Variants in HIF1A observed in about 807,000 individuals in gnomAD.
HIF1A encodes the protein hypoxia inducible factor 1 subunit alpha.
A neutral mutation model predicts 92.7 loss-of-function variants in HIF1A; 24 were observed. That is an observed-to-expected ratio of 0.26 (90% confidence interval 0.19 to 0.36). The LOEUF (loss-of-function observed/expected upper bound fraction) is 0.36, where lower values mean the gene tolerates loss of function less well. Ranked by LOEUF, HIF1A falls within the 10% of genes least tolerant of loss-of-function variation. The probability of loss-of-function intolerance (pLI) is 1.00; values close to 1 mark genes in which losing one functional copy is unlikely to be tolerated. For missense variants in HIF1A, 799 were observed against 998.5 expected (o/e 0.80, Z 2.69); for synonymous variants, 319 against 338.7 (o/e 0.94, Z 0.64).
At chr14:61,696,214 G>A (rs1039511934) in intron 1 of HIF1A, among the ~76,000 whole-genome samples, 2 of 152,246 alleles carry the variant, frequency 1.3e-5, no homozygotes, top group Non-Finnish European at 2.9e-5. Flanking sequence ...GAAGAGAAAT[G>A]AGCTGCAGCT....
intron 6 of HIF1A, among the ~76,000 whole-genome samples, chr14:61,730,452 CCCTA>C (rs1473858842): frequency 7.9e-5 from 12 of 152,224 alleles, no homozygotes; most frequent in Non-Finnish European, 1.6e-4. Context: ...AATCTGATCC[CCCTA>C]CCTACTTCTT....
In HIF1A at chr14:61,744,777, G is replaced by A. The variant is rs1213384596; in HGVS notation, c.2166G>A (p.Met722Ile). The A allele has an allele frequency of 2.5e-6, 4 of 1,593,538 alleles. No homozygotes were observed. Among genetic ancestry groups the A allele is most frequent in the African/African-American group, 1.3e-5 (1 of 74,178 alleles). ...ALQNAQRKRK[M>I]EHDGSLFQAV... ...AGAATGCTCAGAGAAAGCGAAAAAT[G>A]GAACATGATGGTTCACTTTTTCAAG... The change falls in exon 13 of 15, where the codon ATG (methionine) becomes ATA (isoleucine). Residue 722 changes from methionine (M) to isoleucine (I), a missense_variant. Met to Ile is a conservative substitution (Grantham distance 10, BLOSUM62 1). Transcript: ENST00000337138.
intron 1 of HIF1A, among the ~76,000 whole-genome samples, chr14:61,707,463 C>CA (rs2044252927): frequency 6.6e-6 from 1 of 152,140 alleles, no homozygotes; most frequent in Non-Finnish European, 1.5e-5. Flanking sequence ...CCGCTCCCCC[C>CA]ACCCCACAAC....
Position 61,745,867 on chromosome 14 carries a change from A to G in HIF1A, c.2329+50A>G, listed in dbSNP as rs758303276. ...AACATCACAAAGACAAAATACATGA[A>G]ACATTTTTATTTAGGAGCTTTAATC... On this transcript the variant is annotated intron_variant, in intron 14 of 14. Transcript: ENST00000337138. 5 of 1,469,156 alleles carry G rather than the reference A, an allele frequency of 3.4e-6. No homozygotes were observed. The East Asian group carries it at 9.1e-5, about 27-fold the overall frequency. The allele number at this position is 1,469,156 out of a possible 1,614,324, so 91.0% of individuals were successfully genotyped here.
At chr14:61,735,914 T>C (rs1476047037) in intron 8 of HIF1A, among the ~76,000 whole-genome samples, 1 of 152,222 alleles carries the variant, frequency 6.6e-6, no homozygotes, top group Admixed American at 6.5e-5. Flanking sequence ...TGAAGATTTG[T>C]TGGTGTCTTT....
At chr14:61,697,856 C>T in intron 1 of HIF1A, 2 of 1,509,670 alleles carry the variant, frequency 1.3e-6, no homozygotes, top group Non-Finnish European at 1.8e-6. Flanking sequence ...TTTAAATGAG[C>T]TCCCAATGTC....
intron 12 of HIF1A, 136 bp downstream of exon 12, chr14:61,741,324 A>C (rs980762793): frequency 3.3e-5 from 19 of 578,842 alleles, no homozygotes; most frequent in Middle Eastern, 3.8e-4. Flanking sequence ...GAACTCAAAA[A>C]ACTTTCTAAA....
At chr14:61,705,522 G>A (rs1186561358) in intron 1 of HIF1A, among the ~76,000 whole-genome samples, 5 of 152,026 alleles carry the variant, frequency 3.3e-5, no homozygotes, top group Non-Finnish European at 7.4e-5. Context: ...AAATATCTGA[G>A]GGTAGCTATC....
In HIF1A at chr14:61,695,670, G is replaced by C. The variant is rs1274562259; in HGVS notation, c.-135G>C. 1.1e-6 allele frequency: 1 copy of C among 905,986 alleles called. No individual in the cohort carries two copies. The highest frequency in any genetic ancestry group is 1.7e-5 in the African/African-American group (1 of 58,762). 56.1% of individuals were successfully genotyped at this position (905,986 alleles called of 1,614,324 possible). A position where few individuals can be genotyped will look rare whatever the true frequency, so the allele number is the denominator to read the frequency against. The stretch of plus-strand genomic sequence containing the variant: ...CGCCCGCTTCTCTCTAGTCTCACGA[G>C]GGGTTTCCCGCCTCGCACCCCCACC... On this transcript the variant is annotated 5_prime_UTR_variant, in exon 1 of 15. Coordinates refer to ENST00000337138, the MANE Select transcript of HIF1A (RefSeq NM_001530.4).
intron 1 of HIF1A, among the ~76,000 whole-genome samples, chr14:61,702,593 A>T (rs2044190991): frequency 6.6e-6 from 1 of 152,008 alleles, no homozygotes; most frequent in Admixed American, 6.6e-5. Flanking sequence ...GTTGGGGTTT[A>T]TTTTCTTTGC....
intron 1 of HIF1A, among the ~76,000 whole-genome samples, chr14:61,703,012 A>C (rs1377684081): frequency 6.6e-6 from 1 of 152,212 alleles, no homozygotes; most frequent in East Asian, 1.9e-4. Context: ...ACTTAACATA[A>C]TATATGGCTC....
At chr14:61,705,595 T>G (rs2044230051) in intron 1 of HIF1A, among the ~76,000 whole-genome samples, 1 of 152,196 alleles carries the variant, frequency 6.6e-6, no homozygotes, top group Non-Finnish European at 1.5e-5. Flanking sequence ...AATTTAAAAA[T>G]TATATATTGA....
chr14:61,745,083 C>T (rs1056571440), intron 13 of HIF1A, among the ~76,000 whole-genome samples: 1 of 152,116 alleles, frequency 6.6e-6, no homozygotes, highest in Non-Finnish European at 1.5e-5. Flanking sequence ...CCCTGAATAT[C>T]ACCACCAATC....
At chr14:61,737,167 C>A in intron 9 of HIF1A, 58 bp downstream of exon 9, 1 of 1,159,706 alleles carries the variant, frequency 8.6e-7, no homozygotes, top group Non-Finnish European at 1.3e-6. Flanking sequence ...AGCCCCATTT[C>A]AACTAAACAT....
intron 1 of HIF1A, among the ~76,000 whole-genome samples, chr14:61,699,640 T>A (rs1345828730): frequency 6.6e-6 from 1 of 152,170 alleles, no homozygotes; most frequent in Non-Finnish European, 1.5e-5. Context: ...TTAACATAAG[T>A]CTGTTTCTTA....
At chr14:61,742,358 T>G (rs566779237) in intron 12 of HIF1A, among the ~76,000 whole-genome samples, 1 of 152,294 alleles carries the variant, frequency 6.6e-6, no homozygotes, top group South Asian at 2.1e-4. Flanking sequence ...CACATAGCTT[T>G]TTTCCCTGCC....
chr14:61,721,938 G>T, intron 4 of HIF1A, 115 bp downstream of exon 4: 1 of 676,248 alleles, frequency 1.5e-6, no homozygotes, highest in Non-Finnish European at 2.5e-6. Flanking sequence ...GTTATTTCAT[G>T]TTTAATAAAA....
intron 12 of HIF1A, among the ~76,000 whole-genome samples, chr14:61,744,139 A>G (rs1339557108): frequency 6.6e-6 from 1 of 152,226 alleles, no homozygotes; most frequent in Non-Finnish European, 1.5e-5. Context: ...AAAGGACAAT[A>G]TTTAACTGTT....
At chr14:61,729,703 A>G (rs1184908017) in intron 6 of HIF1A, among the ~76,000 whole-genome samples, 1 of 152,184 alleles carries the variant, frequency 6.6e-6, no homozygotes, top group Non-Finnish European at 1.5e-5. Context: ...AACTTAAGGT[A>G]ACAAAGTAGA....
Sources: allele counts gnomAD v4.1 joint callset (sites outside exome capture counted in the v4.1 genomes callset), GRCh38; gene constraint gnomAD v4.1.1; transcripts MANE v1.5; gene names NCBI Gene and HGNC (gene_info 2026-07-23, HGNC 2026-07-21).